Variants in BPTF observed in about 807,000 individuals in gnomAD.
BPTF encodes nucleosome-remodeling factor subunit BPTF.
Under a neutral mutation model 292.5 loss-of-function variants are expected in BPTF, and 18 were observed. The ratio of observed to expected loss-of-function variants is 0.06; its 90% CI spans 0.04 to 0.09. The LOEUF (loss-of-function observed/expected upper bound fraction) is 0.09. Among genes scored for constraint, BPTF ranks in the 10% least tolerant of loss-of-function variants. The probability of loss-of-function intolerance (pLI) is 1.00; values close to 1 mark genes in which losing one functional copy is unlikely to be tolerated. For missense variants in BPTF, 2,726 were observed against 3,498.7 expected (o/e 0.78, Z 5.57); for synonymous variants, 1,225 against 1,251.9 (o/e 0.98, Z 0.45).
Position 67,982,558 on chromosome 17 carries a change from A to G in BPTF, c.*270A>G, listed in dbSNP as rs1237803672. 3 of 329,982 alleles carry G rather than the reference A, an allele frequency of 9.1e-6. No individual in the cohort carries two copies. Among genetic ancestry groups the G allele is most frequent in the African/African-American group, 6.4e-5 (3 of 46,750 alleles). 20.4% of individuals were successfully genotyped at this position (329,982 alleles called of 1,614,324 possible). ...GAGAAAACTTTGTTTATTGAAAAAAAAAGAAAAAGAAAGCAAGAAAAAAAG... is the reference window on the plus strand; with the variant it reads ...GAGAAAACTTTGTTTATTGAAAAAAGAAGAAAAAGAAAGCAAGAAAAAAAG... On this transcript the variant is annotated 3_prime_UTR_variant, in exon 28 of 28. Transcript: ENST00000306378.
At position 67,966,672 on chromosome 17, in the gene BPTF, G is replaced by C. The variant is rs2068132231; in HGVS notation, c.8539+16G>C. On this transcript the variant is annotated intron_variant, in intron 26 of 27. Transcript: ENST00000306378. ...GAACCTATGGGTAAGTACATGAGTT[G>C]AATATGAAGTTTTTCAGAAGTCTCA... The C allele has an allele frequency of 6.8e-7, 1 of 1,466,554 alleles. No individual in the cohort carries two copies. The highest frequency in any genetic ancestry group is 2.5e-5 in the Admixed American group (1 of 40,638). 90.8% of individuals were successfully genotyped at this position (1,466,554 alleles called of 1,614,324 possible).
intron 7 of BPTF, among the ~76,000 whole-genome samples, chr17:67,897,773 C>G (rs2061550417): frequency 6.6e-6 from 1 of 152,008 alleles, no homozygotes; most frequent in African/African-American, 2.4e-5. Context: ...CCAGATAGTT[C>G]TATTTAAACT....
intron 9 of BPTF, 47 bp downstream of exon 9, chr17:67,904,887 A>T: frequency 7.0e-7 from 1 of 1,434,466 alleles, no homozygotes; most frequent in Admixed American, 2.1e-5. Flanking sequence ...TCTGCTTTAT[A>T]TTTCTTATAA....
At position 67,981,163 on chromosome 17, in the gene BPTF, CAA is replaced by C. The variant is rs1273834272; in HGVS notation, c.8727-1086_8727-1085del. Among the ~76,000 whole-genome samples the C allele has an allele frequency of 2.0e-5, 3 of 151,572 alleles. No homozygotes were observed. In the East Asian group the frequency reaches 5.8e-4, roughly 29 times the overall value. On this transcript the variant is annotated intron_variant, in intron 27 of 27. Transcript: ENST00000306378. The stretch of plus-strand genomic sequence containing the variant: ...TACAGAGTGAGACCTTGTTTCAAAA[CAA>C]AACAAAACAAAACAAAATTACAATG...
Position 67,922,827 on chromosome 17 carries a change from T to A in BPTF, c.5558-13T>A. 1 of 1,582,500 alleles carries A rather than the reference T, an allele frequency of 6.3e-7. No homozygotes were observed. Among genetic ancestry groups the A allele is most frequent in the Non-Finnish European group, 8.5e-7 (1 of 1,171,540 alleles). ...GCAATATTGCTTAAAATATTCTGAT[T>A]TCCTTTCCAAAGAAACGCCTACACC... is the stretch of plus-strand genomic sequence containing the variant. On this transcript the variant is annotated splice_polypyrimidine_tract_variant and intron_variant, in intron 13 of 27. Coordinates refer to ENST00000306378, the MANE Select transcript of BPTF (RefSeq NM_182641.4).
chr17:67,931,860 C>CT, intron 17 of BPTF, 51 bp from the exon 18 acceptor site: 1 of 1,405,040 alleles, frequency 7.1e-7, no homozygotes, highest in Non-Finnish European at 1.0e-6. Flanking sequence ...GTCCATTATA[C>CT]TTTAATCTTT....
intron 1 of BPTF, among the ~76,000 whole-genome samples, chr17:67,826,580 T>TCCCC (rs11414914): frequency 7.3e-6 from 1 of 137,418 alleles, no homozygotes. Flanking sequence ...TCGCTCTCTC[T>TCCCC]CCCCCCCCCA....
intron 27 of BPTF, among the ~76,000 whole-genome samples, chr17:67,976,971 C>T (rs1271663596): frequency 6.6e-6 from 1 of 151,980 alleles, no homozygotes; most frequent in African/African-American, 2.4e-5. Flanking sequence ...ATAAAATTTC[C>T]AAATGCTAAG....
At chr17:67,975,744 A>G in intron 26 of BPTF, 28 bp from the exon 27 acceptor site, 1 of 1,581,950 alleles carries the variant, frequency 6.3e-7, no homozygotes, top group Non-Finnish European at 8.6e-7. Context: ...TAAAGCTCTG[A>G]AAATGTTTTA....
At chr17:67,955,136 C>CA (rs1555680374) in intron 23 of BPTF, among the ~76,000 whole-genome samples, 1 of 151,688 alleles carries the variant, frequency 6.6e-6, no homozygotes, top group Non-Finnish European at 1.5e-5. Context: ...AAAAAAAATA[C>CA]AAAAATTAGC....
At chr17:67,979,169 C>CAAAAAAAAAAAAAAAAAAAAAAAAAAA (rs11376410) in intron 27 of BPTF, among the ~76,000 whole-genome samples, 1 of 72,566 alleles carries the variant, frequency 1.4e-5, no homozygotes, top group African/African-American at 8.0e-5. Context: ...GACCCTGTCT[C>CAAAAAAAAAAAAAAAAAAAAAAAAAAA]AAAAAAAAAA....
At chr17:67,832,319 A>G (rs1259943477) in intron 1 of BPTF, among the ~76,000 whole-genome samples, 1 of 151,812 alleles carries the variant, frequency 6.6e-6, no homozygotes, top group Non-Finnish European at 1.5e-5. Context: ...CCGTATAGAA[A>G]TAATTAAAAT....
intron 1 of BPTF, among the ~76,000 whole-genome samples, chr17:67,843,177 T>C (rs1445028583): frequency 1.5e-5 from 2 of 130,522 alleles, no homozygotes; most frequent in Non-Finnish European, 3.6e-5. Flanking sequence ...TAGATACATA[T>C]AGATATCTAC....
At position 67,940,670 on chromosome 17, in the gene BPTF, G is replaced by A. The variant is rs782760190; in HGVS notation, c.6477+14G>A. 21 of 1,604,388 alleles carry A rather than the reference G, an allele frequency of 1.3e-5. No individual in the cohort carries two copies. Among genetic ancestry groups the A allele is most frequent in the Non-Finnish European group, 1.7e-5 (20 of 1,171,524 alleles). ...ACACAGGGCCACGTAAGTAACATAA[G>A]CTTTATTTTAACTTTAGAGGTGATC... is the stretch of plus-strand genomic sequence containing the variant. On this transcript the variant is annotated intron_variant, in intron 19 of 27. Transcript: ENST00000306378.
intron 18 of BPTF, among the ~76,000 whole-genome samples, chr17:67,933,107 G>T (rs1380326220): frequency 6.6e-6 from 1 of 151,866 alleles, no homozygotes; most frequent in Non-Finnish European, 1.5e-5. Flanking sequence ...ACAAAAATTA[G>T]CTGGGTGTGG....
intron 18 of BPTF, among the ~76,000 whole-genome samples, chr17:67,936,279 G>T (rs934715609): frequency 2.0e-5 from 3 of 152,118 alleles, no homozygotes; most frequent in African/African-American, 7.2e-5. Flanking sequence ...AAGGAAGATG[G>T]ATTATTTCAG....
intron 4 of BPTF, among the ~76,000 whole-genome samples, chr17:67,884,870 G>T (rs1208819461): frequency 6.6e-6 from 1 of 152,082 alleles, no homozygotes; most frequent in East Asian, 1.9e-4. Flanking sequence ...AAATGCATGT[G>T]TAATTTTCCC....
Position 67,929,325 on chromosome 17 carries a change from C to G in BPTF, c.5999-11C>G, listed in dbSNP as rs1407830917. The G allele has an allele frequency of 6.2e-7, 1 of 1,612,478 alleles. No individual in the cohort carries two copies. Among genetic ancestry groups the G allele is most frequent in the African/African-American group, 1.3e-5 (1 of 74,834 alleles). Reference sequence around the variant, plus strand: ...TGATAGTTTTTAATTATGGCTTCATCTTTTTTTAAGGCGTTGTTCAAGTAC... The same window carrying G: ...TGATAGTTTTTAATTATGGCTTCATGTTTTTTTAAGGCGTTGTTCAAGTAC... On this transcript the variant is annotated splice_polypyrimidine_tract_variant and intron_variant, in intron 16 of 27. Transcript: ENST00000306378.
chr17:67,936,974 T>A (rs542322777), intron 18 of BPTF, among the ~76,000 whole-genome samples: 1 of 152,316 alleles, frequency 6.6e-6, no homozygotes, highest in Non-Finnish European at 1.5e-5. Context: ...TATTCAGTAC[T>A]ACCTATGTGC....
Sources: gnomAD v4.1 joint callset for allele counts (sites outside exome capture counted in the v4.1 genomes callset) on GRCh38, gnomAD v4.1.1 for gene constraint, MANE v1.5 for transcripts, NCBI Gene and HGNC (gene_info 2026-07-23, HGNC 2026-07-21) for gene names.